Variants in CDA observed in about 807,000 individuals in gnomAD.
The protein encoded by CDA is cytidine aminohydrolase.
Under a neutral mutation model 15.0 loss-of-function variants are expected in CDA, and 7 were observed. The ratio of observed to expected loss-of-function variants is 0.47; its 90% CI spans 0.26 to 0.87. CDA has a LOEUF of 0.87. Among genes scored for constraint, CDA ranks in the 40% least tolerant of loss-of-function variants. The probability of loss-of-function intolerance (pLI) is 0.15; values close to 1 mark genes in which losing one functional copy is unlikely to be tolerated. For synonymous variants in CDA, 58 were observed against 73.0 expected, an observed-to-expected ratio of 0.79 and a Z score of 1.05; for missense variants, 159 against 182.7, an observed-to-expected ratio of 0.87 and a Z score of 0.75.
intron 1 of CDA, among the ~76,000 whole-genome samples, chr1:20,596,936 A>G (rs1029252556): frequency 2.6e-5 from 4 of 151,670 alleles, no homozygotes; most frequent in African/African-American, 9.7e-5. Flanking sequence ...AATTTTTAAA[A>G]TTTTTTGTAG....
chr1:20,618,719 A>C lies in CDA; in HGVS notation c.*151A>C, dbSNP rs1004289189. 11 of 669,554 alleles carry C rather than the reference A, an allele frequency of 1.6e-5. No individual in the cohort carries two copies. Among genetic ancestry groups the C allele is most frequent in the Non-Finnish European group, 2.7e-5 (10 of 365,890 alleles). 41.5% of individuals were successfully genotyped at this position (669,554 alleles called of 1,614,324 possible). ...AGATTACACTCCAGCCTGAGTCAGC[A>C]CCCCTCCTAGCAACCTGCCTTGGGA... is the stretch of plus-strand genomic sequence containing the variant. On this transcript the variant is annotated 3_prime_UTR_variant, in exon 4 of 4. Transcript: ENST00000375071.
At chr1:20,593,872 G>A (rs1289543288) in intron 1 of CDA, among the ~76,000 whole-genome samples, 1 of 152,184 alleles carries the variant, frequency 6.6e-6, no homozygotes, top group Non-Finnish European at 1.5e-5. Context: ...ACTGCACCTG[G>A]CCTGTTTATC....
chr1:20,598,919 C>A (rs570233666), intron 1 of CDA, among the ~76,000 whole-genome samples: 71 of 152,212 alleles, frequency 4.7e-4, no homozygotes, highest in Non-Finnish European at 8.8e-4. Context: ...AAAATCTCTG[C>A]CCTCAGAAAG....
chr1:20,601,297 G>A (rs2052641691), intron 1 of CDA, among the ~76,000 whole-genome samples: 1 of 152,188 alleles, frequency 6.6e-6, no homozygotes, highest in Admixed American at 6.5e-5. Flanking sequence ...GATGAACTCT[G>A]ATTGGCCAGT....
chr1:20,607,877 T>G (rs1195699492), intron 2 of CDA, among the ~76,000 whole-genome samples: 1 of 152,178 alleles, frequency 6.6e-6, no homozygotes, highest in Non-Finnish European at 1.5e-5. Flanking sequence ...AGAACCCCTC[T>G]CAGGTCTTTA....
At chr1:20,608,884 C>T (rs1051485442) in intron 2 of CDA, among the ~76,000 whole-genome samples, 2 of 152,122 alleles carry the variant, frequency 1.3e-5, no homozygotes, top group African/African-American at 2.4e-5. Flanking sequence ...GTGATAAGAG[C>T]GCCTGCATAC....
At chr1:20,606,504 C>T (rs1170831835) in intron 2 of CDA, among the ~76,000 whole-genome samples, 3 of 152,102 alleles carry the variant, frequency 2.0e-5, no homozygotes, top group African/African-American at 7.2e-5. Context: ...CTGCAGGGCT[C>T]ATTCCACTAC....
intron 1 of CDA, among the ~76,000 whole-genome samples, chr1:20,591,225 C>A (rs986856648): frequency 2.0e-5 from 3 of 152,092 alleles, no homozygotes; most frequent in Non-Finnish European, 4.4e-5. Flanking sequence ...CCTGTAGTCC[C>A]AGCTACTCGG....
chr1:20,590,259 A>G (rs2052536842), intron 1 of CDA, among the ~76,000 whole-genome samples: 1 of 152,190 alleles, frequency 6.6e-6, no homozygotes, highest in African/African-American at 2.4e-5. Flanking sequence ...CAACCCTGAA[A>G]GGCAGAGAAG....
At position 20,613,911 on chromosome 1, in the gene CDA, C is replaced by T; in HGVS notation, c.324+12C>T. On this transcript the variant is annotated intron_variant, in intron 3 of 3. Coordinates refer to ENST00000375071, the MANE Select transcript of CDA (RefSeq NM_001785.3). ...AAGTCATGAGAGAGGTAAGCAGCTT[C>T]TCTTGCTGTCTGGAATGCAAATATC... The T allele has an allele frequency of 1.2e-6, 2 of 1,612,664 alleles. No individual in the cohort carries two copies. Among genetic ancestry groups the T allele is most frequent in the Non-Finnish European group, 1.7e-6 (2 of 1,179,038 alleles).
At chr1:20,594,003 G>A (rs56307254) in intron 1 of CDA, among the ~76,000 whole-genome samples, 25,286 of 152,176 alleles carry the variant, frequency 0.17, 2,598 homozygotes, top group Middle Eastern at 0.24. Context: ...TGGTTTCATG[G>A]GGTGAAGCAG....
rs1570373162 is a variant in CDA at position 20,589,123 on chromosome 1, T to C, written c.-7T>C. The C allele has an allele frequency of 6.2e-7, 1 of 1,613,876 alleles. No individual in the cohort carries two copies. Among genetic ancestry groups the C allele is most frequent in the Non-Finnish European group, 8.5e-7 (1 of 1,179,964 alleles). ...CCGCTGCTCTGCTGCCTGCCCGGGG[T>C]ACCAACATGGCCCAGAAGCGTCCTG... On this transcript the variant is annotated 5_prime_UTR_variant, in exon 1 of 4. Transcript: ENST00000375071.
chr1:20,605,030 C>T lies in CDA; in HGVS notation c.257C>T (p.Ala86Val), dbSNP rs1290347938. Residue 86 changes from alanine (A) to valine (V), a missense_variant, in exon 2 of 4, where the codon GCT (alanine) becomes GTT (valine). Physicochemically the swap from Ala to Val is moderately conservative, Grantham distance 64 (BLOSUM62 0). Transcript: ENST00000375071. Reference sequence around the variant, plus strand: ...GGGTACAAGGATTTCAGGGCAATTGCTATCGCCAGGTGAGTGGGAAAGCCA... The same window carrying T: ...GGGTACAAGGATTTCAGGGCAATTGTTATCGCCAGGTGAGTGGGAAAGCCA... ...SEGYKDFRAI[A>V]IASDMQDDFI... 2 of 1,607,828 alleles carry T rather than the reference C, an allele frequency of 1.2e-6. No homozygotes were observed. Among genetic ancestry groups the T allele is most frequent in the African/African-American group, 1.3e-5 (1 of 74,908 alleles).
At chr1:20,593,218 G>A (rs1328419474) in intron 1 of CDA, among the ~76,000 whole-genome samples, 1 of 152,246 alleles carries the variant, frequency 6.6e-6, no homozygotes, top group Non-Finnish European at 1.5e-5. Flanking sequence ...TGGCTGGACT[G>A]TGTGCTGGGG....
At chr1:20,604,278 A>G (rs1294979874) in intron 1 of CDA, among the ~76,000 whole-genome samples, 1 of 152,184 alleles carries the variant, frequency 6.6e-6, no homozygotes, top group Non-Finnish European at 1.5e-5. Context: ...ACAGTTCTGG[A>G]GACTGGAAAG....
At chr1:20,594,475 CAGA>C (rs1411773916) in intron 1 of CDA, among the ~76,000 whole-genome samples, 19 of 151,608 alleles carry the variant, frequency 1.3e-4, no homozygotes, top group Admixed American at 1.2e-3. Context: ...GGAGATGGCA[CAGA>C]AGGAGGATTG....
chr1:20,589,371 G>A, intron 1 of CDA, 88 bp downstream of exon 1: 1 of 1,311,440 alleles, frequency 7.6e-7, no homozygotes, highest in Non-Finnish European at 1.1e-6. Flanking sequence ...CAGAGGCACA[G>A]GCAGTGGCAA....
chr1:20,608,817 C>G lies in CDA; in HGVS notation c.266+3778C>G, dbSNP rs2052719456. Reference sequence around the variant, plus strand: ...GGTTCAAATCCTGATTCTGCCACTTCACTAACTCTGTGGCCTTGGGCAAGT... The same window carrying G: ...GGTTCAAATCCTGATTCTGCCACTTGACTAACTCTGTGGCCTTGGGCAAGT... On this transcript the variant is annotated intron_variant, in intron 2 of 3. Coordinates refer to ENST00000375071, the MANE Select transcript of CDA (RefSeq NM_001785.3). Among the ~76,000 whole-genome samples, 2 of 152,158 alleles carry G rather than the reference C, an allele frequency of 1.3e-5. 1 individual carries two copies. Among genetic ancestry groups the G allele is most frequent in the South Asian group, 4.1e-4 (2 of 4,836 alleles).
chr1:20,618,833 A>C lies in CDA; in HGVS notation c.*265A>C. On this transcript the variant is annotated 3_prime_UTR_variant, in exon 4 of 4. Transcript: ENST00000375071. The stretch of plus-strand genomic sequence containing the variant: ...CCAGCCTAGTCTGGACTGCTTCCCC[A>C]TCAGCCTTCCCAAGGTTCTATCCTG... 8 of 458,588 alleles carry C rather than the reference A, an allele frequency of 1.7e-5. No homozygotes were observed. The highest frequency in any genetic ancestry group is 2.4e-5 in the Non-Finnish European group (6 of 246,320). 28.4% of individuals were successfully genotyped at this position (458,588 alleles called of 1,614,324 possible).
Sources: allele counts gnomAD v4.1 joint callset (sites outside exome capture counted in the v4.1 genomes callset), GRCh38; gene constraint gnomAD v4.1.1; transcripts MANE v1.5; gene names NCBI Gene and HGNC (gene_info 2026-07-23, HGNC 2026-07-21).